The following PXDN variants were observed in gnomAD, a reference collection of about 807,000 sequenced individuals.
PXDN encodes the protein peroxidasin.
Under a neutral mutation model 140.3 loss-of-function variants are expected in PXDN, and 77 were observed. That is an observed-to-expected ratio of 0.55 (90% CI 0.46 to 0.66). PXDN has a LOEUF of 0.66. Ranked by LOEUF, PXDN falls within the 30% of genes least tolerant of loss-of-function variation. The pLI is 0.00. For missense variants in PXDN, 1,838 were observed against 2,039.5 expected (o/e 0.90, Z 1.90); for synonymous variants, 911 against 857.4 (o/e 1.06, Z -1.09).
Position 1,727,717 on chromosome 2 carries a change from C to G in PXDN, c.200+16539G>C, listed in dbSNP as rs1033213134. On this transcript the variant is annotated intron_variant, in intron 1 of 22. Transcript: ENST00000252804. Reference sequence around the variant, plus strand: ...ACCAGACCCCCTGTGAGTCAATCGCCGAGAGCCAGCTGAGTTCATCTCCAT... The same window carrying G: ...ACCAGACCCCCTGTGAGTCAATCGCGGAGAGCCAGCTGAGTTCATCTCCAT... Among the ~76,000 whole-genome samples the G allele has an allele frequency of 1.4e-4, 21 of 152,306 alleles. No individual in the cohort carries two copies. The Middle Eastern group carries it at 0.017, about 123-fold the overall frequency.
intron 1 of PXDN, among the ~76,000 whole-genome samples, chr2:1,703,430 A>C (rs1176564833): frequency 2.0e-5 from 1 of 50,308 alleles, no homozygotes; most frequent in Admixed American, 2.0e-4. Context: ...GGACAACTCC[A>C]GGTGAAGCGG....
At position 1,714,219 on chromosome 2, in the gene PXDN, C is replaced by T. The variant is rs148049210; in HGVS notation, c.201-21085G>A. On this transcript the variant is annotated intron_variant, in intron 1 of 22. Transcript: ENST00000252804. The surrounding 1 kb of genome is among the most constrained non-coding windows in gnomAD (Gnocchi z 4.3). ...TGCACTTGATTACTATGGATTTACA[C>T]GTCACACCCGCAGCACCCTTGCGTA... Among the ~76,000 whole-genome samples, 74 of 152,326 alleles carry T rather than the reference C, an allele frequency of 4.9e-4. No individual in the cohort carries two copies. The highest frequency in any genetic ancestry group is 1.0e-3 in the African/African-American group (42 of 41,568).
chr2:1,664,193 G>A (rs1448161614), intron 11 of PXDN: 1 of 166,472 alleles, frequency 6.0e-6, no homozygotes, highest in East Asian at 1.7e-4. Context: ...GAAATCCAGG[G>A]CGTGTGATGC....
intron 1 of PXDN, among the ~76,000 whole-genome samples, chr2:1,740,459 G>A (rs988626944): frequency 3.3e-5 from 5 of 152,096 alleles, no homozygotes; most frequent in Admixed American, 1.3e-4. Context: ...TGGACTATGA[G>A]CCCATAGACT....
intron 1 of PXDN, among the ~76,000 whole-genome samples, chr2:1,731,222 G>A (rs781355219): frequency 1.3e-5 from 2 of 151,906 alleles, no homozygotes; most frequent in Non-Finnish European, 1.5e-5. Flanking sequence ...AGCAATAATT[G>A]TGTGCTATTA....
At chr2:1,743,978 G>A (rs1685623533) in intron 1 of PXDN, among the ~76,000 whole-genome samples, 1 of 152,062 alleles carries the variant, frequency 6.6e-6, no homozygotes, top group Non-Finnish European at 1.5e-5. Context: ...CGGGGATTCC[G>A]AGTTCCGAAC....
chr2:1,700,275 T>C (rs1258498316), intron 1 of PXDN, among the ~76,000 whole-genome samples: 1 of 152,108 alleles, frequency 6.6e-6, no homozygotes, highest in Non-Finnish European at 1.5e-5. Flanking sequence ...TTGGCCAGGC[T>C]GGTCTCCAAC....
At chr2:1,686,041 G>C (rs1248984683) in intron 4 of PXDN, among the ~76,000 whole-genome samples, 1 of 152,200 alleles carries the variant, frequency 6.6e-6, no homozygotes, top group Admixed American at 6.5e-5. Flanking sequence ...CGGTCTCCCA[G>C]TGTCACCAGG....
At chr2:1,634,785 C>T (rs1347104960) in intron 22 of PXDN, among the ~76,000 whole-genome samples, 2 of 152,182 alleles carry the variant, frequency 1.3e-5, no homozygotes, top group Non-Finnish European at 2.9e-5. Context: ...CACTGATGCG[C>T]GTCCTCTCCC....
chr2:1,660,431 C>T lies in PXDN; in HGVS notation c.1837+450G>A, dbSNP rs1406912216. On this transcript the variant is annotated intron_variant, in intron 14 of 22. Coordinates refer to ENST00000252804, the MANE Select transcript of PXDN (RefSeq NM_012293.3). The surrounding 1 kb of genome is among the most constrained non-coding windows in gnomAD (Gnocchi z 4.6). Reference sequence around the variant, plus strand: ...CTGCCTACGAGCACCTAGAGGTTCCCACTGAAAGATGCTTCCAGAGCATTC... The same window carrying T: ...CTGCCTACGAGCACCTAGAGGTTCCTACTGAAAGATGCTTCCAGAGCATTC... Among the ~76,000 whole-genome samples, 1 of 152,188 alleles carries T rather than the reference C, an allele frequency of 6.6e-6. No individual in the cohort carries two copies. Among genetic ancestry groups the T allele is most frequent in the Admixed American group, 6.5e-5 (1 of 15,272 alleles).
intron 9 of PXDN, chr2:1,669,619 C>T (rs1300770879): frequency 6.6e-6 from 1 of 152,076 alleles, no homozygotes; most frequent in Admixed American, 6.6e-5. Context: ...GGTGGGCAAT[C>T]GCCTGATGTC....
At position 1,692,213 on chromosome 2, in the gene PXDN, C is replaced by A. The variant is rs1443575528; in HGVS notation, c.273-214G>T. On this transcript the variant is annotated intron_variant, in intron 2 of 22. Transcript: ENST00000252804. Reference sequence around the variant, plus strand: ...ACGTTGCTGAGCAATGGTGTCCGTACCACTCCACAGTTACTACCTTTTGAT... The same window carrying A: ...ACGTTGCTGAGCAATGGTGTCCGTAACACTCCACAGTTACTACCTTTTGAT... Among the ~76,000 whole-genome samples, 3 of 152,240 alleles carry A rather than the reference C, an allele frequency of 2.0e-5. 1 individual carries two copies. The East Asian group carries it at 5.8e-4, about 29-fold the overall frequency.
intron 1 of PXDN, among the ~76,000 whole-genome samples, chr2:1,735,554 T>G (rs1286604272): frequency 1.3e-5 from 2 of 152,218 alleles, no homozygotes; most frequent in African/African-American, 4.8e-5. Context: ...GCAGCAGTAT[T>G]TTGAAAATAA....
At chr2:1,677,654 C>G (rs1358886242) in intron 7 of PXDN, among the ~76,000 whole-genome samples, 1 of 151,170 alleles carries the variant, frequency 6.6e-6, no homozygotes, top group African/African-American at 2.5e-5. Context: ...AGGCCTTCCT[C>G]GAGGGCTGAC....
At chr2:1,661,064 A>C in intron 13 of PXDN, 27 bp from the exon 14 acceptor site, 1 of 1,613,112 alleles carries the variant, frequency 6.2e-7, no homozygotes, top group Admixed American at 1.7e-5. Context: ...TGAAAACAGT[A>C]TTAGAAATAA....
chr2:1,729,284 A>G (rs932883808), intron 1 of PXDN, among the ~76,000 whole-genome samples: 3 of 152,216 alleles, frequency 2.0e-5, no homozygotes, highest in African/African-American at 4.8e-5. Context: ...GAGCACTTAC[A>G]CAGGCTGTAT....
intron 12 of PXDN, among the ~76,000 whole-genome samples, chr2:1,662,966 T>C (rs984241908): frequency 1.3e-4 from 20 of 152,178 alleles, no homozygotes; most frequent in Non-Finnish European, 1.3e-4. Context: ...GGGCCACTCA[T>C]GCTAACACTG....
intron 1 of PXDN, among the ~76,000 whole-genome samples, chr2:1,716,559 C>G (rs1684901038): frequency 6.6e-6 from 1 of 151,096 alleles, no homozygotes; most frequent in African/African-American, 2.4e-5. Flanking sequence ...TTAAGGAGGA[C>G]TAGCGTGGGA....
intron 9 of PXDN, 60 bp downstream of exon 9, chr2:1,673,583 G>A (rs989682093): frequency 3.2e-6 from 5 of 1,541,784 alleles, no homozygotes; most frequent in Non-Finnish European, 4.4e-6. Flanking sequence ...AAAGGAGAAG[G>A]CAGATAGTGA....
Sources: gnomAD v4.1 joint callset for allele counts (sites outside exome capture counted in the v4.1 genomes callset) on GRCh38, gnomAD v4.1.1 for gene constraint, Gnocchi (gnomAD v3.1) non-coding constraint, MANE v1.5 for transcripts, NCBI Gene and HGNC (gene_info 2026-07-23, HGNC 2026-07-21) for gene names.